The following ADARB1 variants were observed in gnomAD, a reference collection of about 807,000 sequenced individuals.
The protein encoded by ADARB1 is double-stranded RNA-specific editase 1.
In ADARB1, 10 loss-of-function variants were observed where a neutral mutation model predicts 52.4. The ratio of observed to expected loss-of-function variants is 0.19; its 90% CI spans 0.12 to 0.32. The LOEUF is 0.32. ADARB1 is among the 10% of genes least tolerant of loss of function. The pLI, the probability that ADARB1 is intolerant of heterozygous loss-of-function variation, is 1.00. For missense variants in ADARB1, 643 were observed against 922.3 expected (o/e 0.70, Z 3.92); for synonymous variants, 349 against 371.1 (o/e 0.94, Z 0.68).
intron 2 of ADARB1, chr21:45,133,678 AAG>A (rs1243960165): frequency 3.2e-5 from 9 of 281,920 alleles, no homozygotes; most frequent in African/African-American, 2.1e-4. Context: ...GTGTACCTGA[AAG>A]AGGTGTGTGC....
At chr21:45,099,310 C>A (rs2086898111) in intron 1 of ADARB1, among the ~76,000 whole-genome samples, 1 of 152,106 alleles carries the variant, frequency 6.6e-6, no homozygotes. Flanking sequence ...CCTTCAGTGC[C>A]TAGTATACAG....
intron 8 of ADARB1, among the ~76,000 whole-genome samples, chr21:45,188,281 A>G (rs574855786): frequency 1.3e-5 from 2 of 152,016 alleles, no homozygotes; most frequent in South Asian, 4.2e-4. Context: ...TAATTTTTGT[A>G]TTTTTAGTAG....
intron 4 of ADARB1, among the ~76,000 whole-genome samples, chr21:45,178,561 C>T (rs558351269): frequency 1.3e-5 from 2 of 152,298 alleles, no homozygotes; most frequent in African/African-American, 4.8e-5. Context: ...AGAAGCAGTC[C>T]TTAGGGCTTT....
chr21:45,197,832 C>T (rs2092460805), intron 8 of ADARB1, among the ~76,000 whole-genome samples: 4 of 152,204 alleles, frequency 2.6e-5, no homozygotes, highest in Admixed American at 1.3e-4. Flanking sequence ...AATTACCATA[C>T]AGTCCCATTT....
At chr21:45,096,008 A>G (rs1451857363) in intron 1 of ADARB1, among the ~76,000 whole-genome samples, 1 of 152,254 alleles carries the variant, frequency 6.6e-6, no homozygotes, top group Non-Finnish European at 1.5e-5. Flanking sequence ...TAGATAGGCA[A>G]GTGGAGATCA....
chr21:45,130,540 A>T lies in ADARB1; in HGVS notation c.-48+1967A>T, dbSNP rs138770792. On this transcript the variant is annotated intron_variant, in intron 2 of 10. Coordinates refer to ENST00000348831, the MANE Select transcript of ADARB1 (RefSeq NM_001112.4). ...TAAAATAAGAGCTAATTTCGGCAGC[A>T]AACAGTTTGGCGTGTTATTCTTTTC... Among the ~76,000 whole-genome samples the T allele has an allele frequency of 1.0e-3, 157 of 152,374 alleles. 1 individual carries two copies. The highest frequency in any genetic ancestry group is 3.1e-3 in the African/African-American group (129 of 41,594).
intron 5 of ADARB1, 101 bp from the exon 6 acceptor site, chr21:45,182,484 A>G: frequency 7.5e-7 from 1 of 1,335,510 alleles, no homozygotes; most frequent in Non-Finnish European, 1.0e-6. Flanking sequence ...TTGGCCCCTG[A>G]AAAGTTAAGT....
chr21:45,174,478 G>A (rs1023465627), intron 3 of ADARB1, among the ~76,000 whole-genome samples: 1 of 152,132 alleles, frequency 6.6e-6, no homozygotes, highest in African/African-American at 2.4e-5. Context: ...CAAGGCAGGC[G>A]GATCACCTGA....
intron 1 of ADARB1, among the ~76,000 whole-genome samples, chr21:45,122,245 TATAATG>T (rs1400733448): frequency 2.0e-5 from 3 of 152,366 alleles, no homozygotes; most frequent in Admixed American, 1.3e-4. Context: ...CTAATTAAAT[TATAATG>T]ATAAATATCA....
chr21:45,127,648 C>T (rs989104096), intron 1 of ADARB1, among the ~76,000 whole-genome samples: 9 of 152,094 alleles, frequency 5.9e-5, no homozygotes, highest in Non-Finnish European at 8.8e-5. Flanking sequence ...GCCACTTTCA[C>T]GCGCACCTTA....
At chr21:45,162,053 A>C (rs1409672866) in intron 2 of ADARB1, among the ~76,000 whole-genome samples, 1 of 152,204 alleles carries the variant, frequency 6.6e-6, no homozygotes, top group East Asian at 1.9e-4. Context: ...AAAGAGCTGT[A>C]ACACAAACAG....
chr21:45,185,123 C>G, intron 8 of ADARB1, 32 bp downstream of exon 8: 2 of 1,607,214 alleles, frequency 1.2e-6, no homozygotes, highest in Non-Finnish European at 1.7e-6. Context: ...TGGCCACCTC[C>G]CTGCACACAG....
chr21:45,226,136 C>CT lies in ADARB1; in HGVS notation c.*3942dup, dbSNP rs1168385062. ...CCTGTCTCTGGCAGCACTGTCTGCA[C>CT]TTTCTTGTTTACTGTTTGAAGGGAC... On this transcript the variant is annotated 3_prime_UTR_variant, in exon 11 of 11. Coordinates refer to ENST00000348831, the MANE Select transcript of ADARB1 (RefSeq NM_001112.4). 6.6e-6 allele frequency: 1 copy of CT among 152,286 alleles called. No individual in the cohort carries two copies. Among genetic ancestry groups the CT allele is most frequent in the Non-Finnish European group, 1.5e-5 (1 of 68,072 alleles). The allele number at this position is 152,286 out of a possible 1,614,324, so 9.4% of individuals were successfully genotyped here.
Position 45,204,531 on chromosome 21 carries a change from G to A in ADARB1, c.1566-24G>A, listed in dbSNP as rs1391971475. The A allele has an allele frequency of 1.2e-6, 2 of 1,612,666 alleles. No individual in the cohort carries two copies. The highest frequency in any genetic ancestry group is 1.7e-6 in the Non-Finnish European group (2 of 1,179,094). On this transcript the variant is annotated intron_variant, in intron 8 of 10. Coordinates refer to ENST00000348831, the MANE Select transcript of ADARB1 (RefSeq NM_001112.4). The surrounding 1 kb of genome is among the most constrained non-coding windows in gnomAD (Gnocchi z 4.4). Reference sequence around the variant, plus strand: ...CGACACTGAGTCCGAGCTCCCTGAAGACTGTGCTTTCTTCTCCCTCCAGCT... The same window carrying A: ...CGACACTGAGTCCGAGCTCCCTGAAAACTGTGCTTTCTTCTCCCTCCAGCT...
chr21:45,141,464 G>T (rs920772458), intron 2 of ADARB1, among the ~76,000 whole-genome samples: 1 of 152,176 alleles, frequency 6.6e-6, no homozygotes, highest in East Asian at 1.9e-4. Context: ...GTCAATGTAT[G>T]TTCCAGTTTA....
chr21:45,203,761 A>G (rs2092610822), intron 8 of ADARB1, among the ~76,000 whole-genome samples: 1 of 152,172 alleles, frequency 6.6e-6, no homozygotes, highest in Non-Finnish European at 1.5e-5. Context: ...AAGCAGTTTA[A>G]TGTTTTGAAG....
At chr21:45,077,107 A>G (rs1399428167) in intron 1 of ADARB1, among the ~76,000 whole-genome samples, 2 of 152,340 alleles carry the variant, frequency 1.3e-5, no homozygotes, top group Admixed American at 6.5e-5. Flanking sequence ...GCTATAGTGC[A>G]TATTCTTACA....
At position 45,175,886 on chromosome 21, in the gene ADARB1, A is replaced by C; in HGVS notation, c.185A>C (p.His62Pro). The C allele has an allele frequency of 6.2e-7, 1 of 1,611,592 alleles. No homozygotes were observed. The highest frequency in any genetic ancestry group is 8.5e-7 in the Non-Finnish European group (1 of 1,178,982). The change falls in exon 4 of 11, where the codon CAC becomes CCC. Residue 62 changes from histidine to proline, a missense_variant. His to Pro is a moderately conservative substitution (Grantham distance 77). Transcript: ENST00000348831. Reference protein sequence around the residue: ...KRPLEEGSNGHSKYRLKKRRK... With the variant: ...KRPLEEGSNGPSKYRLKKRRK... ...CCCCTGGAGGAGGGCAGCAATGGCC[A>C]CTCCAAGTACCGCCTGAAGAAAAGG...
chr21:45,164,951 G>A (rs2091181648), intron 2 of ADARB1, among the ~76,000 whole-genome samples: 2 of 152,120 alleles, frequency 1.3e-5, no homozygotes, highest in Admixed American at 1.3e-4. Context: ...GCAGCGAGGT[G>A]ACAGGATTTA....
Sources: gnomAD v4.1 joint callset for allele counts (sites outside exome capture counted in the v4.1 genomes callset) on GRCh38, gnomAD v4.1.1 for gene constraint, Gnocchi (gnomAD v3.1) non-coding constraint, MANE v1.5 for transcripts, NCBI Gene and HGNC (gene_info 2026-07-23, HGNC 2026-07-21) for gene names.